MAGI1: variants seen among roughly 807,000 people sequenced by gnomAD.
MAGI1 encodes membrane-associated guanylate kinase, WW and PDZ domain-containing protein 1.
In MAGI1, 58 loss-of-function variants were observed where a neutral mutation model predicts 139.9. That is an observed-to-expected ratio of 0.41 (90% confidence interval 0.34 to 0.52). The LOEUF (loss-of-function observed/expected upper bound fraction) is 0.52. MAGI1 is among the 20% of genes least tolerant of loss of function. The pLI is 0.12. For synonymous variants in MAGI1, 812 were observed against 737.9 expected (o/e 1.10, Z -1.63); for missense variants, 1,874 against 1,901.6 (o/e 0.99, Z 0.27).
Position 65,356,117 on chromosome 3 carries a change from A to G in MAGI1, c.*261T>C. ...CAGGTTACGTAGAAACAAAATTTAT[A>G]TCCCTTTGGGCCAGCATTTGGCAAA... On this transcript the variant is annotated 3_prime_UTR_variant, in exon 23 of 23. Coordinates refer to ENST00000402939, the MANE Select transcript of MAGI1 (RefSeq NM_001033057.2). 3.3e-6 allele frequency: 1 copy of G among 303,560 alleles called. No homozygotes were observed. Among genetic ancestry groups the G allele is most frequent in the Non-Finnish European group, 5.9e-6 (1 of 168,422 alleles). The allele number at this position is 303,560 out of a possible 1,614,324, so 18.8% of individuals were successfully genotyped here. A position where few individuals can be genotyped will look rare whatever the true frequency, so the allele number is the denominator to read the frequency against.
intron 2 of MAGI1, among the ~76,000 whole-genome samples, chr3:65,523,086 A>C (rs557253261): frequency 6.6e-6 from 1 of 152,214 alleles, no homozygotes; most frequent in African/African-American, 2.4e-5. Flanking sequence ...ACCAGAATGT[A>C]TATTTCCTGG....
chr3:65,619,890 A>G lies in MAGI1; in HGVS notation c.430+2082T>C, dbSNP rs538416539. ...AGTAGGAACACCATTTCTGCTTTCC[A>G]AATTCCTGATTTACTGGTTTCACAG... On this transcript the variant is annotated intron_variant, in intron 2 of 22. Coordinates refer to ENST00000402939, the MANE Select transcript of MAGI1 (RefSeq NM_001033057.2). The G allele has an allele frequency of 5.8e-5, 57 of 985,316 alleles. No individual in the cohort carries two copies. In the South Asian group the frequency reaches 2.1e-3, roughly 36 times the overall value. The allele number at this position is 985,316 out of a possible 1,614,324, so 61.0% of individuals were successfully genotyped here. A position where few individuals can be genotyped will look rare whatever the true frequency, so the allele number is the denominator to read the frequency against.
At chr3:65,621,403 T>TG (rs1298676463) in intron 2 of MAGI1, among the ~76,000 whole-genome samples, 11 of 152,188 alleles carry the variant, frequency 7.2e-5, no homozygotes, top group Admixed American at 7.2e-4. Flanking sequence ...TCTAATGGTT[T>TG]GGGGGTTTGG....
intron 6 of MAGI1, among the ~76,000 whole-genome samples, chr3:65,450,697 CAGA>C (rs2107484282): frequency 6.6e-6 from 1 of 152,258 alleles, no homozygotes; most frequent in South Asian, 2.1e-4. Flanking sequence ...ACAGCAGTGA[CAGA>C]AGGAGTCATT....
chr3:65,465,741 T>A (rs1278434079), intron 5 of MAGI1, among the ~76,000 whole-genome samples: 4 of 152,232 alleles, frequency 2.6e-5, no homozygotes, highest in Non-Finnish European at 5.9e-5. Context: ...GCTTATTGAA[T>A]CTGTAGGTTT....
chr3:65,893,008 A>G (rs1183809606), intron 1 of MAGI1, among the ~76,000 whole-genome samples: 1 of 152,178 alleles, frequency 6.6e-6, no homozygotes, highest in Non-Finnish European at 1.5e-5. Flanking sequence ...GTAACACACC[A>G]GAGAAGGACA....
intron 1 of MAGI1, among the ~76,000 whole-genome samples, chr3:65,695,142 T>C (rs146873305): frequency 6.6e-6 from 1 of 152,186 alleles, no homozygotes; most frequent in Non-Finnish European, 1.5e-5. Context: ...CCCTGAACAA[T>C]TCTCTTCAAC....
At chr3:65,742,568 C>T (rs17370322) in intron 1 of MAGI1, among the ~76,000 whole-genome samples, 2,894 of 152,228 alleles carry the variant, frequency 0.019, 53 homozygotes, top group Non-Finnish European at 0.029. Context: ...ATTCTTCAGA[C>T]GATTAAAGGA....
intron 3 of MAGI1, among the ~76,000 whole-genome samples, chr3:65,482,609 A>C (rs2107629020): frequency 6.6e-6 from 1 of 152,340 alleles, no homozygotes; most frequent in Non-Finnish European, 1.5e-5. Flanking sequence ...GTAAACTATA[A>C]GGTGTTAAAT....
intron 1 of MAGI1, among the ~76,000 whole-genome samples, chr3:66,033,388 C>T (rs982967520): frequency 3.3e-5 from 5 of 152,088 alleles, no homozygotes; most frequent in African/African-American, 7.2e-5. Flanking sequence ...CAAGTATACG[C>T]GTCTCTTCCC....
chr3:65,478,495 C>T (rs1472919883), intron 4 of MAGI1, 97 bp downstream of exon 4: 1 of 1,204,852 alleles, frequency 8.3e-7, no homozygotes, highest in Non-Finnish European at 1.2e-6. Flanking sequence ...TCTACAAAAT[C>T]CCTCCTGAGA....
At chr3:65,842,362 CTT>C (rs10711015) in intron 1 of MAGI1, among the ~76,000 whole-genome samples, 165 of 142,418 alleles carry the variant, frequency 1.2e-3, no homozygotes, top group East Asian at 2.7e-3. Context: ...TAAATGTGTA[CTT>C]TTTTTTTTTT....
chr3:65,585,301 T>C (rs964574818), intron 2 of MAGI1, among the ~76,000 whole-genome samples: 1 of 152,202 alleles, frequency 6.6e-6, no homozygotes, highest in Admixed American at 6.5e-5. Flanking sequence ...TGACAGCTTG[T>C]GCAATGCATT....
intron 2 of MAGI1, among the ~76,000 whole-genome samples, chr3:65,509,715 C>T (rs1274434786): frequency 1.3e-5 from 2 of 152,000 alleles, no homozygotes; most frequent in Non-Finnish European, 1.5e-5. Context: ...AAGGCGGCAA[C>T]GAGGCTGGGG....
intron 7 of MAGI1, among the ~76,000 whole-genome samples, chr3:65,444,352 A>G (rs1319896464): frequency 6.6e-6 from 1 of 152,110 alleles, no homozygotes; most frequent in Non-Finnish European, 1.5e-5. Flanking sequence ...CCAGGAAAAT[A>G]TTACCAAAGA....
chr3:65,917,362 T>C (rs1310375635), intron 1 of MAGI1, among the ~76,000 whole-genome samples: 1 of 152,208 alleles, frequency 6.6e-6, no homozygotes, highest in Non-Finnish European at 1.5e-5. Flanking sequence ...AATGCAAAAT[T>C]ATATTGCCAC....
At chr3:65,894,915 G>A (rs77773196) in intron 1 of MAGI1, among the ~76,000 whole-genome samples, 3,660 of 152,298 alleles carry the variant, frequency 0.024, 70 homozygotes, top group Middle Eastern at 0.044. Context: ...ATGAAAATGT[G>A]CAATATGAAT....
intron 9 of MAGI1, among the ~76,000 whole-genome samples, chr3:65,437,959 A>G (rs543390762): frequency 1.3e-5 from 2 of 152,342 alleles, no homozygotes; most frequent in South Asian, 4.1e-4. Flanking sequence ...ATGCTTATAC[A>G]CTGTCGATGA....
At chr3:65,881,461 TA>T (rs1207409560) in intron 1 of MAGI1, among the ~76,000 whole-genome samples, 3 of 152,032 alleles carry the variant, frequency 2.0e-5, no homozygotes, top group Non-Finnish European at 4.4e-5. Context: ...ACCCCATCTC[TA>T]AAAAATTTTT....
Sources: allele counts gnomAD v4.1 joint callset (sites outside exome capture counted in the v4.1 genomes callset), GRCh38; gene constraint gnomAD v4.1.1; transcripts MANE v1.5; gene names NCBI Gene and HGNC (gene_info 2026-07-23, HGNC 2026-07-21).